Variants in PRCP observed in about 807,000 individuals in gnomAD.
PRCP encodes the protein lysosomal Pro-X carboxypeptidase.
PRCP carries 46 observed loss-of-function variants against 54.2 expected under a neutral mutation model. The ratio of observed to expected loss-of-function variants is 0.85; its 90% CI spans 0.67 to 1.09. PRCP has a LOEUF of 1.09. Ranked by LOEUF, PRCP falls within the 50% of genes least tolerant of loss-of-function variation. The pLI is 0.00. For synonymous variants in PRCP, 240 were observed against 212.2 expected (o/e 1.13, Z -1.14); for missense variants, 613 against 596.8 (o/e 1.03, Z -0.28).
chr11:82,831,882 C>T (rs577431529), intron 8 of PRCP, among the ~76,000 whole-genome samples: 1 of 152,204 alleles, frequency 6.6e-6, no homozygotes, highest in African/African-American at 2.4e-5. Context: ...CCTCACCCCC[C>T]GACAGGCCCC....
chr11:82,898,256 T>C (rs1039650456), intron 1 of PRCP, among the ~76,000 whole-genome samples: 4 of 152,172 alleles, frequency 2.6e-5, no homozygotes, highest in Non-Finnish European at 4.4e-5. Context: ...GTGGACAAAA[T>C]GTGGCTGAGT....
chr11:82,889,421 T>C (rs1438449616), intron 1 of PRCP, among the ~76,000 whole-genome samples: 2 of 137,000 alleles, frequency 1.5e-5, no homozygotes, highest in African/African-American at 2.7e-5. Context: ...GGAGGAGGGA[T>C]GGAGGAAGGA....
intron 6 of PRCP, among the ~76,000 whole-genome samples, chr11:82,844,747 A>AAAAAAAAAAAAGAAAG (rs756222029): frequency 7.4e-5 from 10 of 136,048 alleles, no homozygotes; most frequent in East Asian, 2.0e-4. Context: ...AAAAAAAAAA[A>AAAAAAAAAAAAGAAAG]AAAGAAAGAA....
chr11:82,861,894 A>G (rs1257070297), intron 1 of PRCP, among the ~76,000 whole-genome samples: 1 of 152,186 alleles, frequency 6.6e-6, no homozygotes, highest in Non-Finnish European at 1.5e-5. Flanking sequence ...AATATGGACT[A>G]GTTATTAAAT....
At chr11:82,874,690 CAAAAAAAAA>C (rs36084037) in intron 1 of PRCP, among the ~76,000 whole-genome samples, 36 of 68,834 alleles carry the variant, frequency 5.2e-4, no homozygotes, top group Non-Finnish European at 8.6e-4. Context: ...GACCCTGTCT[CAAAAAAAAA>C]AAAAAAAAAA....
intron 6 of PRCP, among the ~76,000 whole-genome samples, chr11:82,848,753 A>T (rs1055996178): frequency 6.6e-6 from 1 of 152,230 alleles, no homozygotes; most frequent in Non-Finnish European, 1.5e-5. Flanking sequence ...AGGATTTGGC[A>T]CATAGTAATT....
chr11:82,866,087 C>A (rs1459585300), intron 1 of PRCP, among the ~76,000 whole-genome samples: 2 of 152,202 alleles, frequency 1.3e-5, no homozygotes, highest in Non-Finnish European at 2.9e-5. Context: ...TGGTTTATTT[C>A]TTCTTTATTA....
chr11:82,836,958 A>G (rs555672732), intron 8 of PRCP: 1 of 332,784 alleles, frequency 3.0e-6, no homozygotes, highest in Non-Finnish European at 5.9e-6. Flanking sequence ...TTGAGGAGAT[A>G]TATCAAGGAA....
At chr11:82,883,574 A>G (rs1190770749) in intron 1 of PRCP, among the ~76,000 whole-genome samples, 1 of 152,198 alleles carries the variant, frequency 6.6e-6, no homozygotes, top group East Asian at 1.9e-4. Flanking sequence ...CTAAGCCTAC[A>G]CTAGCTAAGC....
intron 1 of PRCP, among the ~76,000 whole-genome samples, chr11:82,873,593 A>T (rs1859530463): frequency 6.6e-6 from 1 of 152,266 alleles, no homozygotes; most frequent in Non-Finnish European, 1.5e-5. Flanking sequence ...AAAAGACATC[A>T]GCAGCCACAA....
chr11:82,872,102 C>A (rs1859495433), intron 1 of PRCP, among the ~76,000 whole-genome samples: 1 of 152,154 alleles, frequency 6.6e-6, no homozygotes, highest in Admixed American at 6.5e-5. Flanking sequence ...TGTTGTTAAT[C>A]TCTTATTGTG....
intron 2 of PRCP, among the ~76,000 whole-genome samples, chr11:82,859,667 G>A (rs1859164046): frequency 6.8e-6 from 1 of 147,362 alleles, no homozygotes; most frequent in Non-Finnish European, 1.5e-5. Flanking sequence ...TGTTCAGGCA[G>A]TCCATGAAAA....
At chr11:82,848,688 A>C (rs909592816) in intron 6 of PRCP, among the ~76,000 whole-genome samples, 1 of 152,230 alleles carries the variant, frequency 6.6e-6, no homozygotes, top group Non-Finnish European at 1.5e-5. Context: ...CATAGATGGA[A>C]GTTACACATA....
At chr11:82,865,181 G>A (rs1313922744) in intron 1 of PRCP, among the ~76,000 whole-genome samples, 1 of 152,152 alleles carries the variant, frequency 6.6e-6, no homozygotes, top group Non-Finnish European at 1.5e-5. Context: ...GGAATCAAAT[G>A]TAATTCTTTT....
At chr11:82,899,980 T>C in intron 1 of PRCP, 1 of 481,416 alleles carries the variant, frequency 2.1e-6, no homozygotes. Context: ...TTGAAGTGAC[T>C]GTCGTGTCCA....
chr11:82,872,286 T>G (rs771252287), intron 1 of PRCP, among the ~76,000 whole-genome samples: 1 of 152,168 alleles, frequency 6.6e-6, no homozygotes, highest in Non-Finnish European at 1.5e-5. Flanking sequence ...TACTTTAAAT[T>G]GAAAGTCATG....
intron 1 of PRCP, chr11:82,884,833 T>C (rs1452562992): frequency 5.0e-6 from 8 of 1,613,330 alleles, no homozygotes; most frequent in African/African-American, 1.3e-5. Context: ...CAGAGGAGTC[T>C]TGTAATGATT....
chr11:82,830,627 C>CAAAAAAAAAAAAAAAAAAA (rs35851740), intron 8 of PRCP: 2 of 18,648 alleles, frequency 1.1e-4, no homozygotes, highest in Admixed American at 6.9e-4. Context: ...GACTCCATCT[C>CAAAAAAAAAAAAAAAAAAA]AAAAAAAAAA....
chr11:82,825,332 C>A (rs1010814254), intron 8 of PRCP: 4 of 548,944 alleles, frequency 7.3e-6, no homozygotes, highest in African/African-American at 1.9e-5. Flanking sequence ...AAAAAAGAAC[C>A]AGAGATAATT....
Sources: allele counts gnomAD v4.1 joint callset (sites outside exome capture counted in the v4.1 genomes callset), GRCh38; gene constraint gnomAD v4.1.1; transcripts MANE v1.5; gene names NCBI Gene and HGNC (gene_info 2026-07-23, HGNC 2026-07-21).